CDK16: variants seen among roughly 807,000 people sequenced by gnomAD.
CDK16 encodes the protein cyclin-dependent kinase 16.
CDK16 carries 2 observed loss-of-function variants against 41.6 expected under a neutral mutation model. That is an observed-to-expected ratio of 0.05 (90% confidence interval 0.02 to 0.15). The LOEUF (loss-of-function observed/expected upper bound fraction) is 0.15. Ranked by LOEUF, CDK16 falls within the 10% of genes least tolerant of loss-of-function variation. The pLI is 1.00. For missense variants in CDK16, 228 were observed against 428.9 expected (o/e 0.53, Z 4.14); for synonymous variants, 169 against 169.7 (o/e 1.00, Z 0.03).
At position 47,218,707 on chromosome X, in the gene CDK16, T is replaced by C; in HGVS notation, c.-405T>C. ...CACTTCACCCTTCCGAGCGCCTGCG[T>C]GCGCATGCGCGGAGCGCGGCGCGCG... On this transcript the variant is annotated 5_prime_UTR_variant, in exon 1 of 16. Coordinates refer to ENST00000357227, the MANE Select transcript of CDK16 (RefSeq NM_006201.5). 8.6e-7 allele frequency: 1 copy of C among 1,164,176 alleles called. No individual in the cohort carries two copies. Among genetic ancestry groups the C allele is most frequent in the South Asian group, 1.9e-5 (1 of 52,517 alleles).
Position 47,226,799 on chromosome X carries a change from C to T in CDK16, c.1038-13C>T. 1.7e-6 allele frequency: 2 copies of T among 1,198,747 alleles called. No homozygotes were observed. The highest frequency in any genetic ancestry group is 3.7e-5 in the South Asian group (2 of 54,544). On this transcript the variant is annotated splice_polypyrimidine_tract_variant and intron_variant, in intron 10 of 15. Coordinates refer to ENST00000357227, the MANE Select transcript of CDK16 (RefSeq NM_006201.5). The stretch of plus-strand genomic sequence containing the variant: ...CCAGCTGCCTTTCTATTCACTGTGC[C>T]CTCCCTGCCCAGGGGTGTGGGCTGC...
At chrX:47,221,710 C>T (rs1264539842) in intron 1 of CDK16, among the ~76,000 whole-genome samples, 1 of 112,164 alleles carries the variant, frequency 8.9e-6, no homozygotes, top group African/African-American at 3.2e-5. Flanking sequence ...CAGTATTCAG[C>T]CTCCCAGGTC....
intron 1 of CDK16, among the ~76,000 whole-genome samples, chrX:47,221,959 C>A (rs1937352797): frequency 8.9e-6 from 1 of 111,871 alleles, no homozygotes; most frequent in South Asian, 3.7e-4. Context: ...GGCCCAGGGC[C>A]ATCTTAGGCC....
At chrX:47,222,954 C>CCCG in intron 1 of CDK16, 1 of 688,651 alleles carries the variant, frequency 1.5e-6, no homozygotes, top group Non-Finnish European at 1.9e-6. Flanking sequence ...ACACACGCTC[C>CCCG]CCTCCCCCCC....
In CDK16 at chrX:47,224,353, C is replaced by A. The variant is rs759554008; in HGVS notation, c.203-32C>A. On this transcript the variant is annotated intron_variant, in intron 2 of 15. Transcript: ENST00000357227. ...GGTGTCCTGTGGTTCCTGACCCCAC[C>A]TGGCCTGCCCTACCCCTCTCCCTGC... The A allele has an allele frequency of 1.0e-5, 12 of 1,158,552 alleles. No individual in the cohort carries two copies. The East Asian group carries it at 3.6e-4, about 35-fold the overall frequency.
At chrX:47,225,690 C>A in intron 6 of CDK16, 82 bp from the exon 7 acceptor site, 1 of 718,417 alleles carries the variant, frequency 1.4e-6, no homozygotes, top group Non-Finnish European at 2.2e-6. Context: ...CTGGGCTTGT[C>A]CCTTTCTAGT....
At chrX:47,222,906 A>C (rs2147323610) in intron 1 of CDK16, 14 of 302,205 alleles carry the variant, frequency 4.6e-5, no homozygotes, top group East Asian at 1.2e-4. Context: ...CCCTCCACAC[A>C]ATCCCACCCA....
chrX:47,226,998 C>A lies in CDK16; in HGVS notation c.1140C>A (p.Thr380=), dbSNP rs200083897. ...ATAACTCCTCTTCCCTACTAGGAAC[C>A]CCAACTGAGGAGACGTGGCCAGGCA... ...QLHFIFRILG[T]PTEETWPGIL... is the part of the protein sequence containing the mutation. The change falls in exon 12 of 16, where the codon ACC becomes ACA. Residue 380 remains threonine (T), a synonymous_variant. Coordinates refer to ENST00000357227, the MANE Select transcript of CDK16 (RefSeq NM_006201.5). 5 of 1,209,383 alleles carry A rather than the reference C, an allele frequency of 4.1e-6. No homozygotes were observed. The highest frequency in any genetic ancestry group is 5.6e-6 in the Non-Finnish European group (5 of 894,414).
Position 47,229,315 on chromosome X carries a change from A to G in CDK16, c.*547A>G, listed in dbSNP as rs868457865. 1.0e-4 allele frequency: 24 copies of G among 236,620 alleles called. 1 individual carries two copies. The Middle Eastern group carries it at 7.1e-3, about 70-fold the overall frequency. 19.5% of individuals were successfully genotyped at this position (236,620 alleles called of 1,213,427 possible). On this transcript the variant is annotated 3_prime_UTR_variant, in exon 16 of 16. Coordinates refer to ENST00000357227, the MANE Select transcript of CDK16 (RefSeq NM_006201.5). ...GAGATTTTTGTTTTTTTTAAATGCAATATCTCTGTATACAGACTGGCTGGG... is the reference window on the plus strand; with the variant it reads ...GAGATTTTTGTTTTTTTTAAATGCAGTATCTCTGTATACAGACTGGCTGGG...
chrX:47,220,084 G>C (rs1461506567), intron 1 of CDK16, among the ~76,000 whole-genome samples: 1 of 110,184 alleles, frequency 9.1e-6, no homozygotes, highest in African/African-American at 3.3e-5. Flanking sequence ...TGTGAGTCTC[G>C]AGGGCACACT....
upstream of CDK16, chrX:47,218,665 G>A (rs1251619036): frequency 1.7e-6 from 2 of 1,166,172 alleles, no homozygotes; most frequent in East Asian, 3.3e-5. Context: ...GCAGTCCGAG[G>A]TGAGTCCCCT....
At chrX:47,222,899 T>A in intron 1 of CDK16, 8 of 180,997 alleles carry the variant, frequency 4.4e-5, no homozygotes, top group Non-Finnish European at 7.2e-5. Flanking sequence ...CCCCCCGCCC[T>A]CCACACAATC....
intron 14 of CDK16, 32 bp downstream of exon 14, chrX:47,227,501 G>T: frequency 9.2e-7 from 1 of 1,090,653 alleles, no homozygotes; most frequent in Non-Finnish European, 1.3e-6. Context: ...ACCGGCCAGC[G>T]TGGGGACTGG....
Position 47,225,110 on chromosome X carries a change from C to T in CDK16, c.634+8C>T. 8.7e-7 allele frequency: 1 copy of T among 1,144,962 alleles called. No individual in the cohort carries two copies. Among genetic ancestry groups the T allele is most frequent in the South Asian group, 1.9e-5 (1 of 53,229 alleles). The allele number at this position is 1,144,962 out of a possible 1,213,427, so 94.4% of individuals were successfully genotyped here. Reference sequence around the variant, plus strand: ...GCACCGCCATCCGGGAAGGTACACACCCCCATCCCATCTGCCCCAGGCTTC... The same window carrying T: ...GCACCGCCATCCGGGAAGGTACACATCCCCATCCCATCTGCCCCAGGCTTC... On this transcript the variant is annotated splice_region_variant and intron_variant, in intron 6 of 15. Transcript: ENST00000357227.
chrX:47,224,254 C>G, intron 2 of CDK16, 131 bp from the exon 3 acceptor site: 2 of 684,973 alleles, frequency 2.9e-6, no homozygotes, highest in East Asian at 6.8e-5. Flanking sequence ...ACCCTCTCCC[C>G]GAGGGACTCC....
chrX:47,226,239 G>A, intron 8 of CDK16, 40 bp from the exon 9 acceptor site: 1 of 1,208,504 alleles, frequency 8.3e-7, no homozygotes, highest in Non-Finnish European at 1.1e-6. Flanking sequence ...CGGGCTAGTG[G>A]ATAGTCTTTG....
chrX:47,222,247 C>T (rs760764186), intron 1 of CDK16: 6 of 112,188 alleles, frequency 5.3e-5, no homozygotes, highest in African/African-American at 1.9e-4. Flanking sequence ...TTTTGAGCAT[C>T]TACTCTGTGT....
upstream of CDK16, chrX:47,218,319 ATCT>A (rs1937168646): frequency 4.0e-6 from 1 of 247,095 alleles, no homozygotes; most frequent in African/African-American, 2.9e-5. Context: ...TCGAAAAGTC[ATCT>A]TCTCGCGAAC....
At chrX:47,222,914 C>A in intron 1 of CDK16, 1 of 530,774 alleles carries the variant, frequency 1.9e-6, no homozygotes, top group Non-Finnish European at 2.7e-6. Flanking sequence ...ACAATCCCAC[C>A]CAGTGGTTGG....
Sources: gnomAD v4.1 joint callset for allele counts (sites outside exome capture counted in the v4.1 genomes callset) on GRCh38, gnomAD v4.1.1 for gene constraint, MANE v1.5 for transcripts, NCBI Gene and HGNC (gene_info 2026-07-23, HGNC 2026-07-21) for gene names.